Variants in SLC12A2 observed in about 807,000 individuals in gnomAD.
The protein encoded by SLC12A2 is Na-K-2Cl cotransporter 1.
In SLC12A2, 67 loss-of-function variants were observed where a neutral mutation model predicts 136.3. The observed-to-expected ratio is 0.49, with a 90% CI of 0.40 to 0.60. SLC12A2 has a LOEUF of 0.60. Among genes scored for constraint, SLC12A2 ranks in the 20% least tolerant of loss-of-function variants. SLC12A2 has a pLI of 0.00. For synonymous variants in SLC12A2, 619 were observed against 562.9 expected, an observed-to-expected ratio of 1.10 and a Z score of -1.41; for missense variants, 1,322 against 1,534.7, an observed-to-expected ratio of 0.86 and a Z score of 2.32.
At chr5:128,121,018 G>A (rs137856959) in intron 4 of SLC12A2, among the ~76,000 whole-genome samples, 45 of 152,082 alleles carry the variant, frequency 3.0e-4, no homozygotes, top group African/African-American at 1.0e-3. Context: ...GCAGCTTTGC[G>A]GAAGTGTGAA....
intron 23 of SLC12A2, among the ~76,000 whole-genome samples, chr5:128,181,637 A>C (rs941592569): frequency 6.6e-6 from 1 of 152,122 alleles, no homozygotes; most frequent in Non-Finnish European, 1.5e-5. Flanking sequence ...TCTACCCAAA[A>C]TAGTTAAACG....
At chr5:128,154,644 G>C (rs1762817138) in intron 15 of SLC12A2, among the ~76,000 whole-genome samples, 1 of 152,092 alleles carries the variant, frequency 6.6e-6, no homozygotes. Context: ...CAGGGGTTGT[G>C]TTCCAGGACC....
At chr5:128,113,050 T>C (rs1581073143) in intron 2 of SLC12A2, 117 bp downstream of exon 2, 5 of 880,516 alleles carry the variant, frequency 5.7e-6, no homozygotes, top group South Asian at 3.0e-5. Flanking sequence ...AACTGTCTTA[T>C]CTGAGTGCTG....
intron 7 of SLC12A2, among the ~76,000 whole-genome samples, chr5:128,136,669 A>C (rs1762201261): frequency 6.6e-6 from 1 of 151,934 alleles, no homozygotes; most frequent in Non-Finnish European, 1.5e-5. Flanking sequence ...ATTTTATTCG[A>C]TGTCAGATAC....
At chr5:128,132,305 C>T (rs189425201) in intron 5 of SLC12A2, among the ~76,000 whole-genome samples, 18 of 151,796 alleles carry the variant, frequency 1.2e-4, no homozygotes, top group Non-Finnish European at 2.1e-4. Context: ...ACTTGTGGAG[C>T]GGGAAAGATG....
At chr5:128,142,865 CT>C in intron 10 of SLC12A2, among the ~76,000 whole-genome samples, 1 of 152,038 alleles carries the variant, frequency 6.6e-6, no homozygotes, top group Non-Finnish European at 1.5e-5. Context: ...AATTAATTTA[CT>C]TTTTAATATA....
At chr5:128,108,315 A>G (rs1217518846) in intron 1 of SLC12A2, among the ~76,000 whole-genome samples, 1 of 152,234 alleles carries the variant, frequency 6.6e-6, no homozygotes, top group Non-Finnish European at 1.5e-5. Context: ...TGTATCCTCA[A>G]GATAAATGAA....
chr5:128,110,556 T>A lies in SLC12A2; in HGVS notation c.757-2258T>A, dbSNP rs1172336324. ...CCATTGTGAAACACATTTCATTTTT[T>A]GATTTCTTCAAGCATAAGTATCAAA... On this transcript the variant is annotated intron_variant, in intron 1 of 26. Coordinates refer to ENST00000262461, the MANE Select transcript of SLC12A2 (RefSeq NM_001046.3). 6.3e-6 allele frequency: 8 copies of A among 1,279,540 alleles called. No individual in the cohort carries two copies. In the Admixed American group the frequency reaches 1.2e-4, roughly 19 times the overall value. 79.3% of individuals were successfully genotyped at this position (1,279,540 alleles called of 1,614,324 possible). A position where few individuals can be genotyped will look rare whatever the true frequency, so the allele number is the denominator to read the frequency against.
intron 17 of SLC12A2, among the ~76,000 whole-genome samples, chr5:128,166,691 T>C (rs947479792): frequency 6.6e-6 from 1 of 152,042 alleles, no homozygotes; most frequent in African/African-American, 2.4e-5. Context: ...GGTTATAGAA[T>C]TTCTGTTTGG....
At chr5:128,183,067 T>A (rs1378432725) in intron 24 of SLC12A2, 126 bp downstream of exon 24, 6 of 572,436 alleles carry the variant, frequency 1.0e-5, no homozygotes, top group Non-Finnish European at 1.9e-5. Context: ...TTTTAAAAAA[T>A]CTAGCATTGA....
chr5:128,182,541 T>C (rs567215951), intron 23 of SLC12A2, among the ~76,000 whole-genome samples: 2 of 152,276 alleles, frequency 1.3e-5, no homozygotes, highest in South Asian at 2.1e-4. Context: ...TATGTACTTA[T>C]CAATATAGTT....
chr5:128,114,562 C>T (rs760293941), intron 3 of SLC12A2, 24 bp from the exon 4 acceptor site: 2 of 1,473,370 alleles, frequency 1.4e-6, no homozygotes, highest in African/African-American at 1.4e-5. Flanking sequence ...TAAGTATTCT[C>T]ATTGTCTTTC....
At chr5:128,184,300 T>G in intron 24 of SLC12A2, 66 bp from the exon 25 acceptor site, 1 of 1,050,390 alleles carries the variant, frequency 9.5e-7, no homozygotes, top group Non-Finnish European at 1.3e-6. Context: ...AATTTAATAT[T>G]TAAGATCTTC....
chr5:128,145,913 A>G (rs756284900), intron 10 of SLC12A2, among the ~76,000 whole-genome samples: 1 of 152,026 alleles, frequency 6.6e-6, no homozygotes, highest in African/African-American at 2.4e-5. Flanking sequence ...GAAGCAGAGA[A>G]TCTAGGTGAT....
At chr5:128,142,026 G>A (rs760604203) in intron 10 of SLC12A2, 45 bp downstream of exon 10, 2 of 1,496,614 alleles carry the variant, frequency 1.3e-6, no homozygotes, top group South Asian at 1.1e-5. Context: ...TATTTATCTA[G>A]GGGTGAGACT....
chr5:128,121,507 A>G (rs1761577778), intron 4 of SLC12A2, among the ~76,000 whole-genome samples: 1 of 151,894 alleles, frequency 6.6e-6, no homozygotes, highest in African/African-American at 2.4e-5. Flanking sequence ...TATTTTTAGT[A>G]GAGATGGGGT....
intron 22 of SLC12A2, among the ~76,000 whole-genome samples, chr5:128,179,800 C>T (rs1353515528): frequency 3.9e-5 from 6 of 151,936 alleles, no homozygotes; most frequent in South Asian, 2.1e-4. Context: ...TACAGTTCAC[C>T]GTGAGATTTG....
Position 128,180,869 on chromosome 5 carries a change from T to C in SLC12A2, c.3101-14T>C, listed in dbSNP as rs755920584. The C allele has an allele frequency of 1.4e-6, 2 of 1,428,596 alleles. No homozygotes were observed. The highest frequency in any genetic ancestry group is 1.9e-5 in the Admixed American group (1 of 53,012). The allele number at this position is 1,428,596 out of a possible 1,614,324, so 88.5% of individuals were successfully genotyped here. ...TGCATTTAGTAAATGATTTATTACA[T>C]TTTTATAATTCAGGTTTGACCTTAT... On this transcript the variant is annotated splice_polypyrimidine_tract_variant and intron_variant, in intron 22 of 26. Coordinates refer to ENST00000262461, the MANE Select transcript of SLC12A2 (RefSeq NM_001046.3).
intron 1 of SLC12A2, among the ~76,000 whole-genome samples, chr5:128,096,387 T>A (rs974605444): frequency 6.6e-6 from 1 of 152,108 alleles, no homozygotes; most frequent in Non-Finnish European, 1.5e-5. Flanking sequence ...TGGGTCTAGA[T>A]ATTAACCTCT....
Sources: allele counts gnomAD v4.1 joint callset (sites outside exome capture counted in the v4.1 genomes callset), GRCh38; gene constraint gnomAD v4.1.1; transcripts MANE v1.5; gene names NCBI Gene and HGNC (gene_info 2026-07-23, HGNC 2026-07-21).